MASP1: variants seen among roughly 807,000 people sequenced by gnomAD.
MASP1 encodes mannan-binding lectin serine protease 1.
In MASP1, 59 loss-of-function variants were observed where a neutral mutation model predicts 77.1. The ratio of observed to expected loss-of-function variants is 0.77; its 90% CI spans 0.62 to 0.95. The LOEUF is 0.95. Ranked by LOEUF, MASP1 falls within the 40% of genes least tolerant of loss-of-function variation. The pLI, the probability that MASP1 is intolerant of heterozygous loss-of-function variation, is 0.00. For synonymous variants in MASP1, 362 were observed against 354.5 expected, an observed-to-expected ratio of 1.02 and a Z score of -0.24; for missense variants, 885 against 912.9, an observed-to-expected ratio of 0.97 and a Z score of 0.39.
rs557900676 is a variant in MASP1, at chr3:187,235,622, T to C, written c.*62A>G. On this transcript the variant is annotated 3_prime_UTR_variant, in exon 11 of 11. Coordinates refer to ENST00000296280, the MANE Select transcript of MASP1 (RefSeq NM_139125.4). ...ATGGTCTGATAAGTAATGTGGAGTG[T>C]GCTGTCGGAAGTGCGGTGTAGCTTC... 25 of 1,607,146 alleles carry C rather than the reference T, an allele frequency of 1.6e-5. No homozygotes were observed. The African/African-American group carries it at 3.3e-4, about 21-fold the overall frequency.
In MASP1 at chr3:187,275,757, G is replaced by A. The variant is rs576207927; in HGVS notation, c.237+10068C>T. ...TGAATGTCGAATGATAAGCCACTGC[G>A]CATCTCTTTGCCCCCATTCCCTGCC... On this transcript the variant is annotated intron_variant, in intron 2 of 10. Transcript: ENST00000296280. Among the ~76,000 whole-genome samples the A allele has an allele frequency of 2.7e-3, 413 of 152,068 alleles. 1 individual carries two copies. Among genetic ancestry groups the A allele is most frequent in the Admixed American group, 4.3e-3 (66 of 15,272 alleles).
chr3:187,243,572 G>A lies in MASP1; in HGVS notation c.1140C>T (p.Phe380=), dbSNP rs781127377. ...ATGTGGTGAGGTTGTTCCTTGTAGA[G>A]AAGGTGATCAGCCCGTGTTCCAGCT... The part of the protein sequence containing the change: ...PGELEHGLIT[F]STRNNLTTYK... The change falls in exon 9 of 11, where the codon TTC becomes TTT. Residue 380 remains phenylalanine (F), a synonymous_variant. Transcript: ENST00000296280. The A allele has an allele frequency of 6.2e-7, 1 of 1,614,152 alleles. No individual in the cohort carries two copies. Among genetic ancestry groups the A allele is most frequent in the South Asian group, 1.1e-5 (1 of 91,070 alleles).
intron 2 of MASP1, among the ~76,000 whole-genome samples, chr3:187,276,011 G>T (rs1039350352): frequency 6.6e-6 from 1 of 151,154 alleles, no homozygotes; most frequent in Non-Finnish European, 1.5e-5. Flanking sequence ...TCATGTTCCT[G>T]CCCTCCAGCC....
At chr3:187,225,502 A>G (rs994643854) in exon 13 of MASP1, 11 of 1,614,022 alleles carry the variant, frequency 6.8e-6, no homozygotes, top group Middle Eastern at 3.3e-4. Context: ...GGAGCCTCCA[A>G]TGCTTGCCTG....
At chr3:187,276,399 G>A (rs1716972525) in intron 2 of MASP1, among the ~76,000 whole-genome samples, 1 of 152,156 alleles carries the variant, frequency 6.6e-6, no homozygotes, top group Non-Finnish European at 1.5e-5. Flanking sequence ...ATAAATTGTA[G>A]GCACTGGATG....
chr3:187,223,255 C>T (rs928807526), intron 13 of MASP1: 4 of 1,270,036 alleles, frequency 3.1e-6, no homozygotes, highest in African/African-American at 1.5e-5. Flanking sequence ...TGGAGGGGTG[C>T]AGCTTGCAGC....
rs73886142 is a variant in MASP1 at position 187,288,230 on chromosome 3, G to C, written c.6-2174C>G. 2.2e-3 allele frequency among the ~76,000 whole-genome samples: 328 copies of C among 152,244 alleles called. 2 individuals are homozygous for C. The highest frequency in any genetic ancestry group is 7.4e-3 in the African/African-American group (307 of 41,550). On this transcript the variant is annotated intron_variant, in intron 1 of 10. Coordinates refer to ENST00000296280, the MANE Select transcript of MASP1 (RefSeq NM_139125.4). ...TTTCTTAAACCAATCTGTGGAAGGA[G>C]GGCCTCAGAGGCAGAAGGAAGGGAA...
intron 11 of MASP1, among the ~76,000 whole-genome samples, chr3:187,228,574 C>G (rs1257319907): frequency 1.3e-5 from 2 of 152,224 alleles, no homozygotes; most frequent in Non-Finnish European, 1.5e-5. Flanking sequence ...TCTTTACTCT[C>G]TTCAATCCTC....
chr3:187,264,036 GA>G (rs1313234109), intron 2 of MASP1, among the ~76,000 whole-genome samples: 1 of 152,196 alleles, frequency 6.6e-6, no homozygotes, highest in African/African-American at 2.4e-5. Flanking sequence ...AGTCATTAGA[GA>G]AAAGTTCTCA....
chr3:187,241,405 T>A (rs1310713201), intron 10 of MASP1, 76 bp downstream of exon 10: 1 of 1,194,618 alleles, frequency 8.4e-7, no homozygotes, highest in East Asian at 2.3e-5. Context: ...CATCACCCTG[T>A]TAACAGCCAG....
rs1421363178 is a variant in MASP1 at position 187,250,282 on chromosome 3, C to T, written c.1059G>A (p.Gly353=). 1 of 1,613,984 alleles carries T rather than the reference C, an allele frequency of 6.2e-7. No individual in the cohort carries two copies. Among genetic ancestry groups the T allele is most frequent in the East Asian group, 2.2e-5 (1 of 44,876 alleles). The stretch of plus-strand genomic sequence containing the variant: ...AGGTGGGAATCTTGTTACTCCACGT[C>T]CCATCCTTCAGACACTCAATCTGGA... ...DTFQIECLKD[G]TWSNKIPTCK... is the part of the protein sequence containing the mutation. The change falls in exon 8 of 11, where the codon GGG becomes GGA. Residue 353 remains glycine, a synonymous_variant. Transcript: ENST00000296280.
At chr3:187,225,506 T>C (rs1486005489) in exon 13 of MASP1, 1 of 1,614,150 alleles carries the variant, frequency 6.2e-7, no homozygotes, top group Non-Finnish European at 8.5e-7. Context: ...CCTCCAATGC[T>C]TGCCTGGGCA....
At chr3:187,250,896 C>T (rs563403696) in intron 7 of MASP1, among the ~76,000 whole-genome samples, 39 of 152,224 alleles carry the variant, frequency 2.6e-4, no homozygotes, top group Middle Eastern at 3.4e-3. Flanking sequence ...TTTTTTAAAG[C>T]GAACCATGTG....
intron 2 of MASP1, chr3:187,263,338 A>C: frequency 6.5e-6 from 1 of 153,982 alleles, no homozygotes; most frequent in Non-Finnish European, 1.4e-5. Context: ...GAAGGACTTT[A>C]TTTTCTTTAT....
chr3:187,228,710 C>A (rs1420873053), intron 11 of MASP1, among the ~76,000 whole-genome samples: 3 of 152,182 alleles, frequency 2.0e-5, no homozygotes, highest in Non-Finnish European at 4.4e-5. Context: ...CGACTCTGCT[C>A]CCACTGAACT....
chr3:187,220,665 T>G (rs1712004634), intron 15 of MASP1, among the ~76,000 whole-genome samples: 1 of 151,770 alleles, frequency 6.6e-6, no homozygotes, highest in Non-Finnish European at 1.5e-5. Context: ...GCCCGGCTAA[T>G]TTTTGTATTT....
chr3:187,231,791 G>C (rs1712782468), downstream of MASP1, among the ~76,000 whole-genome samples: 1 of 152,222 alleles, frequency 6.6e-6, no homozygotes, highest in Admixed American at 6.5e-5. Flanking sequence ...TGAAGAGTCA[G>C]GCTTCATAGT....
intron 9 of MASP1, chr3:187,242,407 G>T (rs1272994695): frequency 6.6e-6 from 1 of 152,308 alleles, no homozygotes; most frequent in African/African-American, 2.4e-5. Context: ...AGCTGCTTGG[G>T]AGGCTGAGGC....
At position 187,253,228 on chromosome 3, in the gene MASP1, G is replaced by C. The variant is rs757111515; in HGVS notation, c.832C>G (p.Leu278Val). 8 of 1,614,164 alleles carry C rather than the reference G, an allele frequency of 5.0e-6. 1 individual carries two copies. In the South Asian group the frequency reaches 7.7e-5, roughly 16 times the overall value. Reference protein sequence around the residue: ...ISTQSHSVLILFHSDNSGENR... With the variant: ...ISTQSHSVLIVFHSDNSGENR... ...TCTCCCGAGTTGTCACTATGGAACA[G>C]GATCAGGACACTGTGGCTCTGGGTG... Residue 278 changes from leucine (L) to valine (V), a missense_variant, in exon 6 of 11, where the codon CTG (leucine) becomes GTG (valine). Leu to Val is a conservative substitution (Grantham distance 32). Coordinates refer to ENST00000296280, the MANE Select transcript of MASP1 (RefSeq NM_139125.4).
Sources: allele counts gnomAD v4.1 joint callset (sites outside exome capture counted in the v4.1 genomes callset), GRCh38; gene constraint gnomAD v4.1.1; transcripts MANE v1.5; gene names NCBI Gene and HGNC (gene_info 2026-07-23, HGNC 2026-07-21).